Variants in OSBPL6 observed in about 807,000 individuals in gnomAD.
The protein encoded by OSBPL6 is oxysterol binding protein like 6.
Under a neutral mutation model 125.8 loss-of-function variants are expected in OSBPL6, and 49 were observed. That is an observed-to-expected ratio of 0.39 (90% CI 0.31 to 0.49). The LOEUF (loss-of-function observed/expected upper bound fraction) is 0.49. Ranked by LOEUF, OSBPL6 falls within the 20% of genes least tolerant of loss-of-function variation. The pLI, the probability that OSBPL6 is intolerant of heterozygous loss-of-function variation, is 0.88. For synonymous variants in OSBPL6, 394 were observed against 391.8 expected (o/e 1.01, Z -0.07); for missense variants, 986 against 1,135.4 (o/e 0.87, Z 1.89).
intron 1 of OSBPL6, among the ~76,000 whole-genome samples, chr2:178,267,855 T>C (rs1019121622): frequency 3.3e-5 from 5 of 151,926 alleles, no homozygotes; most frequent in African/African-American, 1.2e-4. Flanking sequence ...AGAAAGTAGT[T>C]TGTGATTTAT....
At chr2:178,244,905 A>G (rs2091436179) in intron 1 of OSBPL6, among the ~76,000 whole-genome samples, 1 of 152,210 alleles carries the variant, frequency 6.6e-6, no homozygotes, top group South Asian at 2.1e-4. Flanking sequence ...TCCCCCAACA[A>G]TGTGCTAAGT....
chr2:178,311,271 C>T (rs1687244023), intron 3 of OSBPL6, among the ~76,000 whole-genome samples: 1 of 152,174 alleles, frequency 6.6e-6, no homozygotes, highest in Admixed American at 6.5e-5. Flanking sequence ...ACCTGCTTTT[C>T]ATCTAGCCAT....
chr2:178,198,195 A>G (rs2089017654), intron 1 of OSBPL6, among the ~76,000 whole-genome samples: 1 of 152,252 alleles, frequency 6.6e-6, no homozygotes, highest in African/African-American at 2.4e-5. Context: ...GGAGAAAATG[A>G]AAAGGATTAG....
chr2:178,352,041 A>G (rs1430365059), intron 12 of OSBPL6, among the ~76,000 whole-genome samples: 1 of 152,240 alleles, frequency 6.6e-6, no homozygotes, highest in Non-Finnish European at 1.5e-5. Flanking sequence ...CAGATTCAAT[A>G]TAATTCTTAT....
chr2:178,204,186 G>C (rs923055954), intron 1 of OSBPL6, among the ~76,000 whole-genome samples: 2 of 151,960 alleles, frequency 1.3e-5, no homozygotes, highest in African/African-American at 4.8e-5. Flanking sequence ...ACCACACCCA[G>C]GTAAGTTTTG....
At chr2:178,200,246 C>CTT (rs1559108007) in intron 1 of OSBPL6, among the ~76,000 whole-genome samples, 2 of 133,600 alleles carry the variant, frequency 1.5e-5, no homozygotes, top group South Asian at 2.6e-4. Flanking sequence ...TTTCTTCAGA[C>CTT]CTTTTTTTTT....
chr2:178,394,581 A>C, intron 24 of OSBPL6, 146 bp downstream of exon 24: 1 of 1,099,644 alleles, frequency 9.1e-7, no homozygotes. Context: ...TCGATTTTGC[A>C]CTTATGAAAA....
Position 178,267,269 on chromosome 2 carries a change from G to C in OSBPL6, c.-350-17658G>C, listed in dbSNP as rs553370382. Among the ~76,000 whole-genome samples the C allele has an allele frequency of 1.6e-4, 24 of 147,100 alleles. No individual in the cohort carries two copies. In the South Asian group the frequency reaches 5.2e-3, roughly 32 times the overall value. On this transcript the variant is annotated intron_variant, in intron 1 of 24. Transcript: ENST00000190611. ...CTCAGGAGGCTGAGGCAGGAGAATT[G>C]CTTCAACCCAGGAGGCGGAGGTTGC... is the stretch of plus-strand genomic sequence containing the variant.
intron 1 of OSBPL6, among the ~76,000 whole-genome samples, chr2:178,213,178 A>G (rs1162313140): frequency 1.3e-5 from 2 of 152,036 alleles, no homozygotes; most frequent in African/African-American, 4.8e-5. Context: ...CTAAAATGTC[A>G]GTACTTCCAG....
At chr2:178,383,966 A>G in intron 17 of OSBPL6, 73 bp from the exon 18 acceptor site, 1 of 1,524,988 alleles carries the variant, frequency 6.6e-7, no homozygotes, top group Non-Finnish European at 9.0e-7. Context: ...TGTAAAATCT[A>G]GAGGGATGAG....
chr2:178,193,782 G>A (rs1233790403), upstream of OSBPL6, among the ~76,000 whole-genome samples: 1 of 152,190 alleles, frequency 6.6e-6, no homozygotes, highest in Non-Finnish European at 1.5e-5. Context: ...TAAGGGTGTG[G>A]AAGGGTTGTA....
intron 1 of OSBPL6, among the ~76,000 whole-genome samples, chr2:178,232,825 G>C (rs1344168541): frequency 6.6e-6 from 1 of 151,828 alleles, no homozygotes; most frequent in East Asian, 1.9e-4. Context: ...AATATCCCTC[G>C]CAGTACCTTT....
intron 8 of OSBPL6, 105 bp from the exon 9 acceptor site, chr2:178,336,196 A>C (rs1175337263): frequency 1.4e-6 from 2 of 1,403,608 alleles, no homozygotes; most frequent in Admixed American, 4.2e-5. Flanking sequence ...TTGAGTGTGC[A>C]TTTTCTTCCT....
chr2:178,231,638 AT>A (rs71023433), intron 1 of OSBPL6, among the ~76,000 whole-genome samples: 925 of 84,538 alleles, frequency 0.011, 15 homozygotes, highest in African/African-American at 0.038. Flanking sequence ...GGGTGGTCCC[AT>A]TTTTTTTTTT....
chr2:178,361,530 A>C, intron 12 of OSBPL6, 152 bp from the exon 13 acceptor site: 5 of 856,938 alleles, frequency 5.8e-6, no homozygotes. Flanking sequence ...ATCCTGATAA[A>C]GATTCCTTTT....
At chr2:178,327,663 G>C (rs1185188929) in intron 4 of OSBPL6, among the ~76,000 whole-genome samples, 6 of 151,106 alleles carry the variant, frequency 4.0e-5, no homozygotes, top group African/African-American at 1.5e-4. Context: ...CAACCCAGGG[G>C]CTCCCAGGGG....
chr2:178,197,138 T>C (rs1321988041), intron 1 of OSBPL6, among the ~76,000 whole-genome samples: 1 of 152,100 alleles, frequency 6.6e-6, no homozygotes, highest in African/African-American at 2.4e-5. Flanking sequence ...AAATTGCTGG[T>C]TTGTAGGTTA....
chr2:178,357,488 C>T (rs1028774160), intron 12 of OSBPL6, among the ~76,000 whole-genome samples: 9 of 152,196 alleles, frequency 5.9e-5, no homozygotes, highest in African/African-American at 2.2e-4. Flanking sequence ...AAAAAATGCT[C>T]ATCATCACTG....
chr2:178,321,022 G>A (rs1048865510), intron 3 of OSBPL6, among the ~76,000 whole-genome samples: 16 of 152,160 alleles, frequency 1.1e-4, no homozygotes, highest in African/African-American at 3.4e-4. Context: ...GTGGTGGCAC[G>A]CACCTGTAAT....
Sources: allele counts gnomAD v4.1 joint callset (sites outside exome capture counted in the v4.1 genomes callset), GRCh38; gene constraint gnomAD v4.1.1; transcripts MANE v1.5; gene names NCBI Gene and HGNC (gene_info 2026-07-23, HGNC 2026-07-21).